Variants in ARHGAP24 observed in about 807,000 individuals in gnomAD.
ARHGAP24 encodes Rho GTPase activating protein 24, also known as rho GTPase-activating protein 24.
Under a neutral mutation model 76.4 loss-of-function variants are expected in ARHGAP24, and 50 were observed. The observed-to-expected ratio is 0.65, with a 90% CI of 0.52 to 0.83. The LOEUF is 0.83. Ranked by LOEUF, ARHGAP24 falls within the 40% of genes least tolerant of loss-of-function variation. ARHGAP24 has a pLI of 0.00. For synonymous variants in ARHGAP24, 345 were observed against 323.3 expected, an observed-to-expected ratio of 1.07 and a Z score of -0.72; for missense variants, 930 against 914.2, an observed-to-expected ratio of 1.02 and a Z score of -0.22.
chr4:85,877,428 C>G (rs934523863), intron 3 of ARHGAP24, among the ~76,000 whole-genome samples: 3 of 152,120 alleles, frequency 2.0e-5, no homozygotes, highest in African/African-American at 7.2e-5. Flanking sequence ...AATTTGAGAC[C>G]AGCCTGGGCA....
At chr4:85,707,136 C>A (rs1248765447) in intron 2 of ARHGAP24, among the ~76,000 whole-genome samples, 1 of 152,132 alleles carries the variant, frequency 6.6e-6, no homozygotes, top group African/African-American at 2.4e-5. Context: ...TTGCTGTTAC[C>A]TCCTGGTGCC....
intron 3 of ARHGAP24, among the ~76,000 whole-genome samples, chr4:85,853,919 A>C (rs2110166758): frequency 6.6e-6 from 1 of 151,802 alleles, no homozygotes; most frequent in Non-Finnish European, 1.5e-5. Flanking sequence ...GCACCACTGC[A>C]CTCCAGCCTG....
chr4:85,850,234 G>T (rs887704037), intron 3 of ARHGAP24, among the ~76,000 whole-genome samples: 81 of 151,938 alleles, frequency 5.3e-4, no homozygotes, highest in African/African-American at 1.8e-3. Flanking sequence ...GTTTATTTGC[G>T]TAGAGGTGTT....
intron 2 of ARHGAP24, among the ~76,000 whole-genome samples, chr4:85,572,619 G>A (rs1315673795): frequency 6.6e-6 from 1 of 151,964 alleles, no homozygotes; most frequent in Non-Finnish European, 1.5e-5. Flanking sequence ...TTAATTCATA[G>A]TATTTCCAAG....
At chr4:85,828,730 C>T (rs930399818) in intron 3 of ARHGAP24, among the ~76,000 whole-genome samples, 1 of 152,026 alleles carries the variant, frequency 6.6e-6, no homozygotes, top group Admixed American at 6.6e-5. Flanking sequence ...GAGTCTGTTA[C>T]AATAGGAATT....
At chr4:85,982,738 T>C (rs555619999) in intron 8 of ARHGAP24, among the ~76,000 whole-genome samples, 1 of 152,268 alleles carries the variant, frequency 6.6e-6, no homozygotes, top group South Asian at 2.1e-4. Flanking sequence ...TAGAAAGTTG[T>C]TTTTTGTGTG....
At chr4:85,879,880 C>T (rs1377439548) in intron 3 of ARHGAP24, among the ~76,000 whole-genome samples, 3 of 151,810 alleles carry the variant, frequency 2.0e-5, no homozygotes, top group African/African-American at 7.3e-5. Flanking sequence ...GGATGTGGAA[C>T]GGCTTCCGAG....
chr4:85,636,808 A>T (rs1721325431), intron 2 of ARHGAP24, among the ~76,000 whole-genome samples: 1 of 152,036 alleles, frequency 6.6e-6, no homozygotes, highest in African/African-American at 2.4e-5. Context: ...CAGTTTTTGC[A>T]CTAGTCATAT....
chr4:85,517,683 T>C (rs934738479), intron 1 of ARHGAP24, among the ~76,000 whole-genome samples: 1 of 152,290 alleles, frequency 6.6e-6, no homozygotes, highest in South Asian at 2.1e-4. Context: ...TCATCAATCA[T>C]GCTTAGTGCA....
At chr4:85,838,337 C>G (rs1730406367) in intron 3 of ARHGAP24, among the ~76,000 whole-genome samples, 1 of 152,210 alleles carries the variant, frequency 6.6e-6, no homozygotes, top group African/African-American at 2.4e-5. Context: ...GTGGCTCACG[C>G]CTGTAATCCC....
intron 1 of ARHGAP24, among the ~76,000 whole-genome samples, chr4:85,526,577 A>G (rs896006721): frequency 6.6e-6 from 1 of 151,980 alleles, no homozygotes; most frequent in African/African-American, 2.4e-5. Context: ...TGCCTCTATT[A>G]AGGGAGAAGG....
At chr4:85,637,229 A>G (rs1439158251) in intron 2 of ARHGAP24, among the ~76,000 whole-genome samples, 2 of 152,068 alleles carry the variant, frequency 1.3e-5, no homozygotes, top group African/African-American at 4.8e-5. Flanking sequence ...CTCCCTGGGT[A>G]GCGTAGCTAT....
chr4:85,480,334 G>GA (rs1418774798), intron 1 of ARHGAP24, among the ~76,000 whole-genome samples: 1 of 151,900 alleles, frequency 6.6e-6, no homozygotes, highest in Non-Finnish European at 1.5e-5. Context: ...TTTTTGGTTA[G>GA]AAAAAAGACA....
intron 5 of ARHGAP24, among the ~76,000 whole-genome samples, chr4:85,962,851 C>T (rs1225786945): frequency 1.3e-5 from 2 of 151,608 alleles, no homozygotes; most frequent in African/African-American, 4.8e-5. Flanking sequence ...AAGGCTTTAG[C>T]TTTCTCCTGG....
intron 2 of ARHGAP24, among the ~76,000 whole-genome samples, chr4:85,616,154 C>T (rs1578080028): frequency 6.6e-6 from 1 of 152,290 alleles, no homozygotes; most frequent in East Asian, 1.9e-4. Context: ...TTCTTCGTTT[C>T]ATTTTCCAGC....
At chr4:85,592,067 T>C (rs372076039) in intron 2 of ARHGAP24, among the ~76,000 whole-genome samples, 2 of 152,144 alleles carry the variant, frequency 1.3e-5, no homozygotes, top group African/African-American at 2.4e-5. Flanking sequence ...CAGATGTGAC[T>C]CCCACTGTTC....
chr4:86,000,621 G>T lies in ARHGAP24; in HGVS notation c.2146G>T (p.Asp716Tyr). Residue 716 changes from aspartate (D) to tyrosine (Y), a missense_variant, in exon 10 of 10, where the codon GAC becomes TAC. Physicochemically the swap from Asp to Tyr is radical, Grantham distance 160 (BLOSUM62 -3). Coordinates refer to ENST00000395184, the MANE Select transcript of ARHGAP24 (RefSeq NM_001025616.3). ...RAKEDAEKRN[D>Y]MLQKEMEQFF... Reference sequence around the variant, plus strand: ...AAAAGAAGATGCCGAGAAAAGAAATGACATGCTACAGAAAGAAATGGAGCA... The same window carrying T: ...AAAAGAAGATGCCGAGAAAAGAAATTACATGCTACAGAAAGAAATGGAGCA... The T allele has an allele frequency of 6.2e-6, 10 of 1,614,022 alleles. No individual in the cohort carries two copies. The highest frequency in any genetic ancestry group is 1.7e-5 in the Admixed American group (1 of 60,016).
At chr4:85,853,435 G>A (rs962347741) in intron 3 of ARHGAP24, among the ~76,000 whole-genome samples, 1 of 152,114 alleles carries the variant, frequency 6.6e-6, no homozygotes, top group Non-Finnish European at 1.5e-5. Context: ...TGCTTCCCAG[G>A]TGAGGTGATG....
At chr4:85,497,274 A>C (rs1723619697) in intron 1 of ARHGAP24, among the ~76,000 whole-genome samples, 1 of 152,174 alleles carries the variant, frequency 6.6e-6, no homozygotes, top group Non-Finnish European at 1.5e-5. Flanking sequence ...TGAGACCTAG[A>C]GATAAAGTTT....
Sources: gnomAD v4.1 joint callset for allele counts (sites outside exome capture counted in the v4.1 genomes callset) on GRCh38, gnomAD v4.1.1 for gene constraint, MANE v1.5 for transcripts, NCBI Gene and HGNC (gene_info 2026-07-23, HGNC 2026-07-21) for gene names.